The following ARSL variants were observed in gnomAD, a reference collection of about 807,000 sequenced individuals.
ARSL encodes the protein arylsulfatase E (chondrodysplasia punctata 1).
In ARSL, 4 loss-of-function variants were observed where a neutral mutation model predicts 31.1. The observed-to-expected ratio is 0.13, with a 90% CI of 0.06 to 0.29. The LOEUF (loss-of-function observed/expected upper bound fraction) is 0.29, where lower values mean the gene tolerates loss of function less well. Ranked by LOEUF, ARSL falls within the 10% of genes least tolerant of loss-of-function variation. The pLI, the probability that ARSL is intolerant of heterozygous loss-of-function variation, is 1.00. For missense variants in ARSL, 312 were observed against 497.8 expected (o/e 0.63, Z 3.55); for synonymous variants, 198 against 209.9 (o/e 0.94, Z 0.49).
Position 2,938,184 on chromosome X carries a change from C to G in ARSL, c.1200G>C (p.Pro400=). 1 of 1,212,110 alleles carries G rather than the reference C, an allele frequency of 8.3e-7. No individual in the cohort carries two copies. Among genetic ancestry groups the G allele is most frequent in the South Asian group, 1.8e-5 (1 of 57,019 alleles). The change falls in exon 9 of 11, where the codon CCG becomes CCC. Residue 400 remains proline, a synonymous_variant. Coordinates refer to ENST00000381134, the MANE Select transcript of ARSL (RefSeq NM_000047.3). ...PGIFRWPGVL[P]AGRVIGEPTS... ...TGGGCTCGCCAATCACTCGGCCGGC[C>G]GGGAGCACCCCGGGCCAGCGGAAGA...
At chrX:2,954,064 A>G (rs1301259892) in intron 4 of ARSL, among the ~76,000 whole-genome samples, 1 of 111,193 alleles carries the variant, frequency 9.0e-6, no homozygotes. Flanking sequence ...GATATAATCT[A>G]AAGGTTCTCA....
chrX:2,947,067 C>T (rs2089395252), intron 6 of ARSL, among the ~76,000 whole-genome samples: 1 of 110,332 alleles, frequency 9.1e-6, no homozygotes, highest in South Asian at 4.0e-4. Context: ...ACCTGTACTC[C>T]CAACTGCTCA....
chrX:2,935,704 TTTTA>T (rs2089190685), intron 10 of ARSL, among the ~76,000 whole-genome samples: 3 of 105,466 alleles, frequency 2.8e-5, no homozygotes, highest in East Asian at 3.0e-4. Context: ...TTTTTTTTTT[TTTTA>T]TTTGAGACAG....
chrX:2,959,775 G>C, intron 2 of ARSL: 2 of 1,081,605 alleles, frequency 1.8e-6, no homozygotes, highest in Non-Finnish European at 2.4e-6. Flanking sequence ...TCCAGAAGCG[G>C]TCAGGCGTGG....
At chrX:2,948,649 G>A (rs1414801955) in intron 6 of ARSL, among the ~76,000 whole-genome samples, 1 of 111,169 alleles carries the variant, frequency 9.0e-6, no homozygotes, top group African/African-American at 3.3e-5. Flanking sequence ...TGCCACCACA[G>A]CCAGCTAATT....
At chrX:2,968,093 G>GTC, upstream of ARSL, 2 of 1,145,638 alleles carry the variant, frequency 1.7e-6, no homozygotes. Flanking sequence ...CCCCTGGAGC[G>GTC]TCTCTGCACG....
intron 5 of ARSL, among the ~76,000 whole-genome samples, chrX:2,950,844 C>T (rs1028540379): frequency 4.5e-5 from 5 of 111,037 alleles, no homozygotes; most frequent in African/African-American, 9.8e-5. Context: ...CACAGACACA[C>T]ACATACTCTC....
At chrX:2,951,197 C>T (rs774167207) in intron 5 of ARSL, among the ~76,000 whole-genome samples, 4 of 111,677 alleles carry the variant, frequency 3.6e-5, no homozygotes, top group Admixed American at 9.6e-5. Context: ...TGATGAAGGC[C>T]GGAAAGCACC....
intron 1 of ARSL, among the ~76,000 whole-genome samples, chrX:2,962,899 T>C (rs560792706): frequency 9.0e-6 from 1 of 111,374 alleles, no homozygotes; most frequent in East Asian, 2.8e-4. Context: ...AAGGCAACTG[T>C]TCCTCTCTCA....
intron 8 of ARSL, among the ~76,000 whole-genome samples, chrX:2,940,672 CCTG>C (rs202165172): frequency 0.049 from 5,399 of 110,003 alleles, 325 homozygotes; most frequent in African/African-American, 0.15. Flanking sequence ...GTGGCTCATG[CCTG>C]CTGTCATCCC....
chrX:2,960,079 C>A (rs1316496547), intron 2 of ARSL, among the ~76,000 whole-genome samples: 2 of 102,752 alleles, frequency 1.9e-5, no homozygotes, highest in Non-Finnish European at 4.0e-5. Flanking sequence ...ACCATCCTGG[C>A]TAACACGGTG....
rs190934807 is a variant in ARSL at position 2,944,267 on chromosome X, A to C, written c.992-1068T>G. ...TCAGCAGTTCGAGACCAGCCTGGCC[A>C]ACATGGTGAAACCCCATCTCTACTA... On this transcript the variant is annotated intron_variant, in intron 7 of 10. Transcript: ENST00000381134. 1.4e-3 allele frequency among the ~76,000 whole-genome samples: 157 copies of C among 109,337 alleles called. 2 individuals are homozygous for C. In the East Asian group the frequency reaches 0.023, roughly 16 times the overall value. 94.9% of individuals were successfully genotyped at this position (109,337 alleles called of 115,157 possible).
rs142598977 is a variant in ARSL, at chrX:2,940,890, C to T, written c.1126+2175G>A. ...GGCAAAGGTTGCGGTGAGCCAAGAT[C>T]GTACCACTGTACTCCAGCCTGGGAG... is the stretch of plus-strand genomic sequence containing the variant. On this transcript the variant is annotated intron_variant, in intron 8 of 10. Transcript: ENST00000381134. 7.8e-3 allele frequency among the ~76,000 whole-genome samples: 867 copies of T among 111,592 alleles called. 7 individuals are homozygous for T. Among genetic ancestry groups the T allele is most frequent in the African/African-American group, 0.026 (797 of 30,746 alleles).
intron 9 of ARSL, 71 bp from the exon 10 acceptor site, chrX:2,936,934 C>T (rs1012354700): frequency 1.4e-5 from 17 of 1,176,520 alleles, no homozygotes; most frequent in Non-Finnish European, 1.8e-5. Flanking sequence ...CCAGCATCCA[C>T]CAGTCCCAGC....
chrX:2,961,904 G>A (rs928326363), intron 1 of ARSL, among the ~76,000 whole-genome samples: 23 of 102,002 alleles, frequency 2.3e-4, no homozygotes, highest in Non-Finnish European at 5.9e-5. Flanking sequence ...TTTTTGAGAC[G>A]GAGTCTTGCT....
chrX:2,940,753 T>C (rs1268696401), intron 8 of ARSL, among the ~76,000 whole-genome samples: 2 of 109,914 alleles, frequency 1.8e-5, no homozygotes, highest in African/African-American at 6.6e-5. Flanking sequence ...CTGGGCAACA[T>C]GGCAAAACCC....
intron 1 of ARSL, among the ~76,000 whole-genome samples, chrX:2,961,229 T>C (rs1267312323): frequency 9.0e-6 from 1 of 110,974 alleles, no homozygotes; most frequent in Non-Finnish European, 1.9e-5. Flanking sequence ...GGGCGGCCCC[T>C]CAGTCTCGCC....
intron 3 of ARSL, among the ~76,000 whole-genome samples, chrX:2,957,840 C>G (rs768560062): frequency 9.1e-6 from 1 of 109,820 alleles, no homozygotes; most frequent in South Asian, 3.9e-4. Flanking sequence ...GGCAACACGG[C>G]AAAACCCCAC....
chrX:2,935,760 CT>C (rs1368372884), intron 10 of ARSL, among the ~76,000 whole-genome samples: 3 of 107,037 alleles, frequency 2.8e-5, no homozygotes, highest in African/African-American at 1.0e-4. Flanking sequence ...GTGGTGCAAC[CT>C]CCGCCTCCTG....
Sources: allele counts gnomAD v4.1 joint callset (sites outside exome capture counted in the v4.1 genomes callset), GRCh38; gene constraint gnomAD v4.1.1; transcripts MANE v1.5; gene names NCBI Gene and HGNC (gene_info 2026-07-23, HGNC 2026-07-21).